The following MAGEC3 variants were observed in gnomAD, a reference collection of about 807,000 sequenced individuals.
MAGEC3 encodes the protein melanoma-associated antigen C3.
A neutral mutation model predicts 35.3 loss-of-function variants in MAGEC3; 34 were observed. That is an observed-to-expected ratio of 0.96 (90% CI 0.73 to 1.28). MAGEC3 has a LOEUF of 1.28. Among genes scored for constraint, MAGEC3 ranks in the 50% most tolerant of loss-of-function variants. The probability of loss-of-function intolerance (pLI) is 0.00; values close to 1 mark genes in which losing one functional copy is unlikely to be tolerated. For missense variants in MAGEC3, 561 were observed against 483.6 expected, an observed-to-expected ratio of 1.16 and a Z score of -1.50; for synonymous variants, 202 against 185.6, an observed-to-expected ratio of 1.09 and a Z score of -0.72.
At chrX:141,879,009 C>A (rs951762330) in intron 2 of MAGEC3, among the ~76,000 whole-genome samples, 166 bp from the exon 3 acceptor site, 10 of 112,270 alleles carry the variant, frequency 8.9e-5, no homozygotes, top group African/African-American at 3.2e-4. Flanking sequence ...TTGCACCTTG[C>A]AGGTCTCAGG....
intron 2 of MAGEC3, among the ~76,000 whole-genome samples, chrX:141,866,811 A>T (rs1342412482): frequency 8.9e-6 from 1 of 112,398 alleles, no homozygotes; most frequent in African/African-American, 3.2e-5. Context: ...AAAATAAGAA[A>T]TGAAGCAAGA....
intron 4 of MAGEC3, among the ~76,000 whole-genome samples, chrX:141,887,109 T>C (rs1367371321): frequency 1.8e-5 from 2 of 112,595 alleles, no homozygotes; most frequent in Non-Finnish European, 3.7e-5. Context: ...CATCTCCTGA[T>C]ACCTGGGATG....
At chrX:141,845,286 C>T (rs934007718) in intron 1 of MAGEC3, among the ~76,000 whole-genome samples, 1 of 110,797 alleles carries the variant, frequency 9.0e-6, no homozygotes, top group Non-Finnish European at 1.9e-5. Context: ...ATATTGATTG[C>T]GTACAACTCT....
Position 141,897,719 on chromosome X carries a change from G to A in MAGEC3, c.1819G>A (p.Ala607Thr). The change falls in exon 8 of 8, where the codon GCT (alanine) becomes ACT (threonine). Residue 607 changes from alanine (A) to threonine (T), a missense_variant. Transcript: ENST00000298296. ...TGCCTTTCCATCCTGGTACATGGAT[G>A]CTTTGAAAGATATGGAAGACAGAGC... ...PSAFPSWYMD[A>T]LKDMEDRAQA... is the part of the protein sequence containing the mutation. The A allele has an allele frequency of 8.3e-7, 1 of 1,211,833 alleles. No individual in the cohort carries two copies. The highest frequency in any genetic ancestry group is 1.7e-5 in the African/African-American group (1 of 57,787).
At chrX:141,859,606 A>C (rs2124095313) in intron 1 of MAGEC3, among the ~76,000 whole-genome samples, 1 of 111,254 alleles carries the variant, frequency 9.0e-6, no homozygotes, top group East Asian at 2.9e-4. Flanking sequence ...CATATCCTCC[A>C]CCTTACAACT....
At chrX:141,848,059 T>G (rs1349197318) in intron 1 of MAGEC3, among the ~76,000 whole-genome samples, 1 of 110,318 alleles carries the variant, frequency 9.1e-6, no homozygotes, top group East Asian at 2.9e-4. Flanking sequence ...TGTATGTGTA[T>G]GTATACATAT....
At chrX:141,875,708 T>C (rs752695264) in intron 2 of MAGEC3, among the ~76,000 whole-genome samples, 6 of 111,981 alleles carry the variant, frequency 5.4e-5, no homozygotes, top group Admixed American at 9.5e-5. Flanking sequence ...CTTTTTATCA[T>C]CCATAAGAAA....
At chrX:141,844,569 CTT>C (rs779887373) in intron 1 of MAGEC3, among the ~76,000 whole-genome samples, 13 of 111,085 alleles carry the variant, frequency 1.2e-4, no homozygotes, top group Non-Finnish European at 2.3e-4. Context: ...TCAATTATCT[CTT>C]TGACTATTTC....
intron 2 of MAGEC3, among the ~76,000 whole-genome samples, chrX:141,874,070 T>C (rs1360779038): frequency 8.9e-6 from 1 of 111,876 alleles, no homozygotes; most frequent in East Asian, 2.8e-4. Context: ...TACAGAAATA[T>C]AGTCAACCAA....
chrX:141,861,290 C>G (rs188010689), intron 1 of MAGEC3, among the ~76,000 whole-genome samples: 45 of 110,918 alleles, frequency 4.1e-4, no homozygotes, highest in African/African-American at 1.3e-3. Context: ...GCAAAGGACA[C>G]AAAGAAATGG....
At chrX:141,870,534 T>C (rs746235529) in intron 2 of MAGEC3, among the ~76,000 whole-genome samples, 1 of 112,153 alleles carries the variant, frequency 8.9e-6, no homozygotes, top group South Asian at 3.7e-4. Flanking sequence ...TTTTATAATT[T>C]GCTGAAACCA....
At chrX:141,850,622 T>C (rs1026308132) in intron 1 of MAGEC3, among the ~76,000 whole-genome samples, 6 of 111,207 alleles carry the variant, frequency 5.4e-5, no homozygotes, top group Non-Finnish European at 9.5e-5. Context: ...AATTTAAGTA[T>C]TAATCTCTTC....
At chrX:141,848,298 A>T (rs1032213950) in intron 1 of MAGEC3, among the ~76,000 whole-genome samples, 2 of 110,284 alleles carry the variant, frequency 1.8e-5, no homozygotes, top group African/African-American at 6.6e-5. Context: ...GGAGAAAAAA[A>T]AATGAAAGAT....
At chrX:141,840,683 C>A (rs2017680445) in intron 1 of MAGEC3, among the ~76,000 whole-genome samples, 1 of 110,463 alleles carries the variant, frequency 9.1e-6, no homozygotes, top group Non-Finnish European at 1.9e-5. Context: ...TTTCTTCAAC[C>A]ATTCTGTCTA....
intron 1 of MAGEC3, among the ~76,000 whole-genome samples, chrX:141,845,215 G>T (rs1031644528): frequency 9.0e-6 from 1 of 110,656 alleles, no homozygotes; most frequent in East Asian, 2.8e-4. Context: ...TACAAATAAA[G>T]AACTAAATTA....
At chrX:141,875,448 TC>T (rs2017914327) in intron 2 of MAGEC3, among the ~76,000 whole-genome samples, 2 of 111,343 alleles carry the variant, frequency 1.8e-5, no homozygotes, top group South Asian at 7.7e-4. Context: ...GCGCAAAACA[TC>T]TATATTCATG....
intron 1 of MAGEC3, among the ~76,000 whole-genome samples, chrX:141,857,351 G>T (rs896738693): frequency 1.8e-5 from 2 of 110,965 alleles, no homozygotes; most frequent in African/African-American, 6.5e-5. Flanking sequence ...ATTACCTTTA[G>T]AATTCTTTCC....
At position 141,897,257 on chromosome X, in the gene MAGEC3, A is replaced by G. The variant is rs1213387615; in HGVS notation, c.1499A>G (p.Lys500Arg). The G allele has an allele frequency of 2.5e-6, 3 of 1,211,907 alleles. No homozygotes were observed. Among genetic ancestry groups the G allele is most frequent in the Non-Finnish European group, 2.2e-6 (2 of 895,536 alleles). Reference sequence around the variant, plus strand: ...GACTATTTTCCCATGATCTTCGGGAAAGCCCATGAGTTCATAGAGCTAATT... The same window carrying G: ...GACTATTTTCCCATGATCTTCGGGAGAGCCCATGAGTTCATAGAGCTAATT... ...YKDYFPMIFGKAHEFIELIFG... is the reference protein window; with the variant it reads ...YKDYFPMIFGRAHEFIELIFG... The change falls in exon 7 of 8, where the codon AAA (lysine) becomes AGA (arginine). Residue 500 changes from lysine to arginine, a missense_variant. Physicochemically the swap from Lys to Arg is conservative, Grantham distance 26. Coordinates refer to ENST00000298296, the MANE Select transcript of MAGEC3 (RefSeq NM_138702.1).
intron 1 of MAGEC3, among the ~76,000 whole-genome samples, chrX:141,860,604 A>ATAT (rs2017809400): frequency 8.9e-6 from 1 of 112,285 alleles, no homozygotes; most frequent in Admixed American, 9.5e-5. Flanking sequence ...AACCCGTAGA[A>ATAT]TATTGTTCCT....
Sources: allele counts gnomAD v4.1 joint callset (sites outside exome capture counted in the v4.1 genomes callset), GRCh38; gene constraint gnomAD v4.1.1; transcripts MANE v1.5; gene names NCBI Gene and HGNC (gene_info 2026-07-23, HGNC 2026-07-21).